The following RIMS1 variants were observed in gnomAD, a reference collection of about 807,000 sequenced individuals.
RIMS1 encodes the protein regulating synaptic membrane exocytosis protein 1.
In RIMS1, 83 loss-of-function variants were observed where a neutral mutation model predicts 214.1. The ratio of observed to expected loss-of-function variants is 0.39; its 90% CI spans 0.32 to 0.47. The LOEUF (loss-of-function observed/expected upper bound fraction) is 0.47, where lower values mean the gene tolerates loss of function less well. Among genes scored for constraint, RIMS1 ranks in the 20% least tolerant of loss-of-function variants. The probability of loss-of-function intolerance (pLI) is 0.99; values close to 1 mark genes in which losing one functional copy is unlikely to be tolerated. For synonymous variants in RIMS1, 793 were observed against 786.8 expected (o/e 1.01, Z -0.13); for missense variants, 2,050 against 2,161.8 (o/e 0.95, Z 1.03).
At chr6:72,264,432 A>G (rs866726567) in intron 19 of RIMS1, among the ~76,000 whole-genome samples, 1 of 152,104 alleles carries the variant, frequency 6.6e-6, no homozygotes, top group African/African-American at 2.4e-5. Flanking sequence ...ACAGAAGCTG[A>G]TAAGTAGAAA....
At position 72,251,237 on chromosome 6, in the gene RIMS1, C is replaced by A; in HGVS notation, c.2567C>A (p.Ala856Glu). ...CAGATCCTCATAGAATTGGAGACAG[C>A]GCTTTTAGATGATGAACCGCATTGG... ...LGEILIELET[A>E]LLDDEPHWYK... The change falls in exon 15 of 34, where the codon GCG (alanine) becomes GAG (glutamate). Residue 856 changes from alanine to glutamate, a missense_variant. Transcript: ENST00000521978. 1.9e-6 allele frequency: 3 copies of A among 1,597,926 alleles called. No individual in the cohort carries two copies. The highest frequency in any genetic ancestry group is 1.1e-5 in the South Asian group (1 of 88,150).
chr6:72,134,097 T>C (rs906294265), intron 4 of RIMS1, among the ~76,000 whole-genome samples: 4 of 152,130 alleles, frequency 2.6e-5, no homozygotes, highest in African/African-American at 9.7e-5. Flanking sequence ...ATTATATTTC[T>C]AATTTTCAAT....
At chr6:72,243,501 A>G (rs531351014) in intron 10 of RIMS1, among the ~76,000 whole-genome samples, 30 of 151,926 alleles carry the variant, frequency 2.0e-4, no homozygotes, top group African/African-American at 6.3e-4. Context: ...ACTACAATTT[A>G]TGCTAGTTTT....
intron 19 of RIMS1, 37 bp downstream of exon 19, chr6:72,260,804 A>T: frequency 6.2e-7 from 1 of 1,607,476 alleles, no homozygotes; most frequent in Admixed American, 1.7e-5. Context: ...ACTGTGTGTG[A>T]TGACTCTCTT....
rs751265755 is a variant in RIMS1, at chr6:72,258,314, AG to A, written c.2927+34del. The A allele has an allele frequency of 6.3e-6, 10 of 1,581,462 alleles. No individual in the cohort carries two copies. In the African/African-American group the frequency reaches 1.3e-4, roughly 21 times the overall value. Reference sequence around the variant, plus strand: ...TTGAAATGGGCTCAGTGTCCCTGACAGTACATTTTTATTATAATGCAGTGTA... The same window carrying A: ...TTGAAATGGGCTCAGTGTCCCTGACATACATTTTTATTATAATGCAGTGTA... On this transcript the variant is annotated intron_variant, in intron 17 of 33. Coordinates refer to ENST00000521978, the MANE Select transcript of RIMS1 (RefSeq NM_014989.7).
intron 4 of RIMS1, among the ~76,000 whole-genome samples, chr6:72,104,643 T>G (rs527676754): frequency 6.6e-6 from 1 of 152,274 alleles, no homozygotes; most frequent in African/African-American, 2.4e-5. Context: ...AATTTGCATC[T>G]TGCTGAGCAT....
chr6:72,004,988 GT>G (rs1806886369), intron 2 of RIMS1, among the ~76,000 whole-genome samples: 1 of 151,720 alleles, frequency 6.6e-6, no homozygotes, highest in African/African-American at 2.4e-5. Context: ...TTCTTCTAGG[GT>G]TTTTATGGTT....
At chr6:72,204,934 G>C (rs948283083) in intron 6 of RIMS1, among the ~76,000 whole-genome samples, 3 of 152,034 alleles carry the variant, frequency 2.0e-5, no homozygotes, top group Admixed American at 6.6e-5. Flanking sequence ...TGGCATATCT[G>C]TTAAGTTTAT....
chr6:72,085,059 A>T (rs1212812326), intron 2 of RIMS1, among the ~76,000 whole-genome samples: 4 of 152,148 alleles, frequency 2.6e-5, no homozygotes, highest in African/African-American at 9.7e-5. Context: ...TCTCCTGCTG[A>T]TTGTACTAAT....
At chr6:72,354,415 A>G (rs2097562607) in intron 29 of RIMS1, among the ~76,000 whole-genome samples, 2 of 152,040 alleles carry the variant, frequency 1.3e-5, no homozygotes, top group South Asian at 2.1e-4. Flanking sequence ...CATAAAAGGT[A>G]TATATATTTA....
chr6:72,000,814 C>T (rs1014568561), intron 2 of RIMS1, among the ~76,000 whole-genome samples: 4 of 152,160 alleles, frequency 2.6e-5, no homozygotes, highest in Non-Finnish European at 5.9e-5. Context: ...TCTCTCTTCT[C>T]ATTACTTTTA....
At chr6:72,312,879 T>C (rs2095582790) in intron 27 of RIMS1, among the ~76,000 whole-genome samples, 1 of 152,190 alleles carries the variant, frequency 6.6e-6, no homozygotes, top group South Asian at 2.1e-4. Context: ...AAGCAGTCTA[T>C]ACAGGTCAAG....
chr6:72,030,249 G>T (rs530294604), intron 2 of RIMS1, among the ~76,000 whole-genome samples: 1 of 152,148 alleles, frequency 6.6e-6, no homozygotes, highest in African/African-American at 2.4e-5. Context: ...CAGGTAATGT[G>T]ATGCTGTGGG....
At chr6:72,134,500 T>C (rs7747203) in intron 4 of RIMS1, among the ~76,000 whole-genome samples, 1,960 of 152,174 alleles carry the variant, frequency 0.013, 47 homozygotes, top group African/African-American at 0.045. Context: ...GTTAGGATTC[T>C]GAACTTAGAA....
chr6:72,366,787 C>T (rs937646334), intron 29 of RIMS1: 2 of 985,710 alleles, frequency 2.0e-6, no homozygotes, highest in Non-Finnish European at 2.4e-6. Flanking sequence ...TTATTTAAAC[C>T]AGGTCAAAGC....
In RIMS1 at chr6:72,175,912, A is replaced by C. The variant is rs143163227; in HGVS notation, c.472-3663A>C. Among the ~76,000 whole-genome samples the C allele has an allele frequency of 4.0e-3, 613 of 152,278 alleles. 4 individuals are homozygous for C. Among genetic ancestry groups the C allele is most frequent in the African/African-American group, 0.014 (576 of 41,548 alleles). On this transcript the variant is annotated intron_variant, in intron 4 of 33. Coordinates refer to ENST00000521978, the MANE Select transcript of RIMS1 (RefSeq NM_014989.7). ...GCAATTTTTATTTCTCTGGGTAAAAAATTCCTATGGGTTTTATAAAATAGT... is the reference window on the plus strand; with the variant it reads ...GCAATTTTTATTTCTCTGGGTAAAACATTCCTATGGGTTTTATAAAATAGT...
chr6:72,339,948 TG>T (rs1234515609), intron 29 of RIMS1, among the ~76,000 whole-genome samples: 2 of 151,960 alleles, frequency 1.3e-5, no homozygotes, highest in Non-Finnish European at 2.9e-5. Flanking sequence ...CAGCACCTGT[TG>T]TTTCCTGACT....
At chr6:72,293,509 TACAA>T (rs2093696295) in intron 26 of RIMS1, among the ~76,000 whole-genome samples, 1 of 151,944 alleles carries the variant, frequency 6.6e-6, no homozygotes, top group Non-Finnish European at 1.5e-5. Context: ...CTGAAAGAAC[TACAA>T]ATGTGGGTGT....
chr6:72,317,132 T>C, intron 28 of RIMS1: 1 of 386,294 alleles, frequency 2.6e-6, no homozygotes, highest in South Asian at 2.5e-5. Context: ...GCTGGGCTGC[T>C]CTGTGGCACC....
Sources: allele counts gnomAD v4.1 joint callset (sites outside exome capture counted in the v4.1 genomes callset), GRCh38; gene constraint gnomAD v4.1.1; transcripts MANE v1.5; gene names NCBI Gene and HGNC (gene_info 2026-07-23, HGNC 2026-07-21).